GABRB1: variants seen among roughly 807,000 people sequenced by gnomAD.
GABRB1 encodes gamma-aminobutyric acid type A receptor subunit beta1.
In GABRB1, 17 loss-of-function variants were observed where a neutral mutation model predicts 51.6. That is an observed-to-expected ratio of 0.33 (90% confidence interval 0.23 to 0.49). The LOEUF is 0.49. GABRB1 is among the 20% of genes least tolerant of loss of function. The pLI is 0.99. For synonymous variants in GABRB1, 247 were observed against 218.9 expected (o/e 1.13, Z -1.14); for missense variants, 410 against 600.6 (o/e 0.68, Z 3.32).
intron 8 of GABRB1, among the ~76,000 whole-genome samples, chr4:47,416,171 A>G (rs549354733): frequency 1.1e-3 from 170 of 152,204 alleles, no homozygotes; most frequent in Non-Finnish European, 2.0e-3. Context: ...GCCAGGTAAC[A>G]ATGTGGGCAA....
chr4:47,201,103 G>T (rs764263790), intron 4 of GABRB1, among the ~76,000 whole-genome samples: 47 of 152,002 alleles, frequency 3.1e-4, no homozygotes, highest in Non-Finnish European at 6.0e-4. Flanking sequence ...CCTGAACTGT[G>T]CAATATTTTA....
chr4:47,145,648 T>C (rs1224328633), intron 3 of GABRB1, among the ~76,000 whole-genome samples: 1 of 152,074 alleles, frequency 6.6e-6, no homozygotes, highest in Non-Finnish European at 1.5e-5. Flanking sequence ...AAATGATTTC[T>C]AGTCAGGTAA....
chr4:47,082,757 T>C (rs1275812802), intron 3 of GABRB1, among the ~76,000 whole-genome samples: 1 of 152,084 alleles, frequency 6.6e-6, no homozygotes, highest in East Asian at 1.9e-4. Flanking sequence ...GCAATATATT[T>C]CATTTATATA....
intron 4 of GABRB1, among the ~76,000 whole-genome samples, chr4:47,162,442 A>C (rs1400795844): frequency 2.0e-5 from 3 of 151,192 alleles, no homozygotes; most frequent in Non-Finnish European, 4.4e-5. Context: ...TGATTGGTTT[A>C]AAAAAAAAGA....
intron 3 of GABRB1, among the ~76,000 whole-genome samples, chr4:47,145,792 G>A (rs887620921): frequency 2.6e-5 from 4 of 152,098 alleles, no homozygotes; most frequent in African/African-American, 7.2e-5. Context: ...GATGAGAATC[G>A]TTACCATAGC....
intron 4 of GABRB1, among the ~76,000 whole-genome samples, chr4:47,263,753 G>T (rs1722540615): frequency 6.6e-6 from 1 of 152,202 alleles, no homozygotes; most frequent in Non-Finnish European, 1.5e-5. Context: ...CACTGAGTTT[G>T]CTGAGAAGGA....
intron 4 of GABRB1, among the ~76,000 whole-genome samples, chr4:47,235,372 A>G (rs1483785459): frequency 6.6e-6 from 1 of 152,198 alleles, no homozygotes; most frequent in Non-Finnish European, 1.5e-5. Flanking sequence ...TAACACGGTG[A>G]AACCCGTCTC....
At chr4:47,381,999 G>A (rs1240676628) in intron 5 of GABRB1, among the ~76,000 whole-genome samples, 3 of 152,170 alleles carry the variant, frequency 2.0e-5, no homozygotes. Flanking sequence ...TAGGCTGGGG[G>A]TAGGGATAAG....
chr4:47,251,545 G>C (rs1484090296), intron 4 of GABRB1, among the ~76,000 whole-genome samples: 1 of 152,136 alleles, frequency 6.6e-6, no homozygotes, highest in Non-Finnish European at 1.5e-5. Context: ...CTAACAGGGT[G>C]GGTAGGGAAG....
chr4:47,047,626 A>G (rs1217587560), intron 3 of GABRB1, among the ~76,000 whole-genome samples: 1 of 152,156 alleles, frequency 6.6e-6, no homozygotes, highest in Admixed American at 6.6e-5. Flanking sequence ...AATATGGTTA[A>G]TACTAGAAAT....
chr4:47,105,390 C>T (rs1012897360), intron 3 of GABRB1, among the ~76,000 whole-genome samples: 2 of 152,060 alleles, frequency 1.3e-5, no homozygotes, highest in African/African-American at 4.8e-5. Context: ...GCTTATTAGA[C>T]CAGTGGTGTA....
intron 4 of GABRB1, among the ~76,000 whole-genome samples, chr4:47,310,935 G>A (rs566758397): frequency 2.0e-5 from 3 of 151,662 alleles, no homozygotes; most frequent in African/African-American, 7.3e-5. Flanking sequence ...AGGCTGAGGT[G>A]GGCGGATCAC....
At chr4:47,066,083 A>C (rs1319567934) in intron 3 of GABRB1, among the ~76,000 whole-genome samples, 1 of 152,210 alleles carries the variant, frequency 6.6e-6, no homozygotes. Context: ...ACAATTGCTT[A>C]GGTGCCCAGA....
rs185518620 is a variant in GABRB1 at position 47,129,545 on chromosome 4, C to T, written c.241-31704C>T. Among the ~76,000 whole-genome samples the T allele has an allele frequency of 3.4e-3, 524 of 152,286 alleles. 1 individual carries two copies. Among genetic ancestry groups the T allele is most frequent in the South Asian group, 6.6e-3 (32 of 4,818 alleles). On this transcript the variant is annotated intron_variant, in intron 3 of 8. Coordinates refer to ENST00000295454, the MANE Select transcript of GABRB1 (RefSeq NM_000812.4). ...AATGGTGATGTGATAGACACAGTTC[C>T]TGCCTTCAAAGCACTTACAGTTGAC...
At chr4:46,994,462 A>ATG (rs146901515) in intron 1 of GABRB1, 20,748 of 139,678 alleles carry the variant, frequency 0.15, 1,593 homozygotes, top group Non-Finnish European at 0.19. Flanking sequence ...GAAAGAGAAA[A>ATG]TGTGTGTGTG....
intron 3 of GABRB1, among the ~76,000 whole-genome samples, chr4:47,122,359 A>G (rs1715814191): frequency 6.6e-6 from 1 of 152,064 alleles, no homozygotes. Context: ...TTCACATTTG[A>G]TACGTTTCCC....
chr4:47,105,092 G>T (rs543017175), intron 3 of GABRB1, among the ~76,000 whole-genome samples: 2 of 152,168 alleles, frequency 1.3e-5, no homozygotes, highest in East Asian at 3.9e-4. Context: ...CTTATCTCTT[G>T]CTGGCCTTCC....
intron 3 of GABRB1, among the ~76,000 whole-genome samples, chr4:47,103,918 G>A (rs1193422667): frequency 6.6e-6 from 1 of 151,446 alleles, no homozygotes; most frequent in Non-Finnish European, 1.5e-5. Context: ...ATTTCTCTTA[G>A]TTAAAAATAA....
intron 3 of GABRB1, among the ~76,000 whole-genome samples, chr4:47,153,587 TGA>T (rs1308481078): frequency 2.0e-5 from 3 of 152,092 alleles, no homozygotes; most frequent in African/African-American, 7.2e-5. Context: ...TTTCATATAC[TGA>T]GTCTCATGCC....
Sources: allele counts gnomAD v4.1 joint callset (sites outside exome capture counted in the v4.1 genomes callset), GRCh38; gene constraint gnomAD v4.1.1; transcripts MANE v1.5; gene names NCBI Gene and HGNC (gene_info 2026-07-23, HGNC 2026-07-21).